CNTN6: variants seen among roughly 807,000 people sequenced by gnomAD.
CNTN6 encodes contactin 6, also known as contactin-6.
In CNTN6, 137 loss-of-function variants were observed where a neutral mutation model predicts 122.8. That is an observed-to-expected ratio of 1.12 (90% CI 0.97 to 1.29). The LOEUF is 1.29. CNTN6 is among the 50% of genes most tolerant of loss of function. CNTN6 has a pLI of 0.00. For synonymous variants in CNTN6, 570 were observed against 426.0 expected (o/e 1.34, Z -4.16); for missense variants, 1,634 against 1,223.4 (o/e 1.34, Z -5.01).
chr3:1,283,991 T>C (rs7651222), intron 5 of CNTN6, among the ~76,000 whole-genome samples: 133,700 of 152,284 alleles, frequency 0.88, 58,798 homozygotes, highest in East Asian at 0.97. Flanking sequence ...AAGAGTGAGA[T>C]TTCATCTCAA....
Position 1,387,731 on chromosome 3 carries a change from G to C in CNTN6, c.2704+1934G>C, listed in dbSNP as rs6779929. 3.6e-3 allele frequency among the ~76,000 whole-genome samples: 551 copies of C among 152,280 alleles called. 3 individuals are homozygous for C. The highest frequency in any genetic ancestry group is 0.012 in the African/African-American group (514 of 41,544). On this transcript the variant is annotated intron_variant, in intron 20 of 22. Coordinates refer to ENST00000446702, the MANE Select transcript of CNTN6 (RefSeq NM_001289080.2). ...CACCGTGCGCAAGCCGAAGCAGGGC[G>C]AGGCATTGCCTCACTTGGGAAGCGC...
chr3:1,352,399 A>G lies in CNTN6; in HGVS notation c.1440A>G (p.Ile480Met). ...CAGATGCTGGATCATATACATGCAT[A>G]GCCACAAATCAGTTTGGCACTGCAA... is the stretch of plus-strand genomic sequence containing the variant. ...TRSDAGSYTC[I>M]ATNQFGTAKN... Residue 480 changes from isoleucine (I) to methionine (M), a missense_variant, in exon 12 of 23, where the codon ATA (isoleucine) becomes ATG (methionine). Ile to Met is a conservative substitution (Grantham distance 10). Coordinates refer to ENST00000446702, the MANE Select transcript of CNTN6 (RefSeq NM_001289080.2). The G allele has an allele frequency of 6.2e-7, 1 of 1,608,852 alleles. No homozygotes were observed. Among genetic ancestry groups the G allele is most frequent in the Non-Finnish European group, 8.5e-7 (1 of 1,176,544 alleles).
chr3:1,344,189 C>T (rs756220461), intron 11 of CNTN6, among the ~76,000 whole-genome samples: 2 of 151,954 alleles, frequency 1.3e-5, no homozygotes, highest in South Asian at 2.1e-4. Context: ...GGTGGGGTTC[C>T]GCAGGAAACA....
chr3:1,158,161 G>A (rs981380041), intron 2 of CNTN6, among the ~76,000 whole-genome samples: 10 of 152,138 alleles, frequency 6.6e-5, no homozygotes, highest in African/African-American at 2.4e-4. Context: ...GGTGTATGAT[G>A]GTTCCCTTTA....
At chr3:1,278,078 C>T (rs1025052387) in intron 4 of CNTN6, among the ~76,000 whole-genome samples, 1 of 152,176 alleles carries the variant, frequency 6.6e-6, no homozygotes, top group African/African-American at 2.4e-5. Context: ...TTGTGACATA[C>T]CTTTCTAAAA....
chr3:1,212,896 G>T (rs1018533654), intron 2 of CNTN6, among the ~76,000 whole-genome samples: 1 of 151,882 alleles, frequency 6.6e-6, no homozygotes, highest in South Asian at 2.1e-4. Context: ...TTATCAAGTG[G>T]TATAAATTCA....
intron 1 of CNTN6, among the ~76,000 whole-genome samples, chr3:1,102,639 A>C (rs2090979492): frequency 6.7e-6 from 1 of 149,588 alleles, no homozygotes; most frequent in Non-Finnish European, 1.5e-5. Context: ...GAGGCAGGAG[A>C]ATGGCGGGAA....
At chr3:1,365,509 C>A (rs971967664) in intron 12 of CNTN6, among the ~76,000 whole-genome samples, 1 of 151,886 alleles carries the variant, frequency 6.6e-6, no homozygotes, top group African/African-American at 2.4e-5. Context: ...ATCATGAAAG[C>A]AACATTTCCG....
chr3:1,245,729 T>TA (rs2094574012), intron 4 of CNTN6, among the ~76,000 whole-genome samples: 1 of 152,002 alleles, frequency 6.6e-6, no homozygotes, highest in East Asian at 1.9e-4. Flanking sequence ...ATTGGAACAA[T>TA]AAGAAAGCCA....
intron 4 of CNTN6, among the ~76,000 whole-genome samples, chr3:1,241,119 T>C (rs112347301): frequency 0.19 from 29,474 of 151,906 alleles, 3,641 homozygotes; most frequent in African/African-American, 0.34. Context: ...TGGTGGAATG[T>C]CATCAGTTAA....
intron 12 of CNTN6, among the ~76,000 whole-genome samples, chr3:1,360,278 C>G (rs1263391366): frequency 6.6e-6 from 1 of 152,054 alleles, no homozygotes; most frequent in Non-Finnish European, 1.5e-5. Flanking sequence ...CCTTTTCCCT[C>G]TTGTTCTCTA....
intron 4 of CNTN6, among the ~76,000 whole-genome samples, chr3:1,259,062 C>A (rs2094804532): frequency 6.6e-6 from 1 of 152,096 alleles, no homozygotes; most frequent in South Asian, 2.1e-4. Flanking sequence ...TAGGATTTAG[C>A]TCATGGGTTG....
intron 2 of CNTN6, among the ~76,000 whole-genome samples, chr3:1,197,151 T>A (rs555727639): frequency 1.2e-4 from 18 of 152,368 alleles, no homozygotes; most frequent in African/African-American, 3.8e-4. Flanking sequence ...TGTTTCAGGT[T>A]ATAGACATAA....
At chr3:1,228,281 A>G (rs2094311131) in intron 4 of CNTN6, among the ~76,000 whole-genome samples, 1 of 152,204 alleles carries the variant, frequency 6.6e-6, no homozygotes, top group Non-Finnish European at 1.5e-5. Flanking sequence ...ATAAAGATGT[A>G]TGATATAGCA....
intron 7 of CNTN6, among the ~76,000 whole-genome samples, chr3:1,301,809 A>G (rs980686979): frequency 3.9e-5 from 6 of 152,210 alleles, no homozygotes; most frequent in African/African-American, 7.2e-5. Flanking sequence ...CATTTCTTCA[A>G]AACAACGAAA....
At chr3:1,346,375 C>T (rs1704697123) in intron 11 of CNTN6, among the ~76,000 whole-genome samples, 1 of 152,038 alleles carries the variant, frequency 6.6e-6, no homozygotes, top group South Asian at 2.1e-4. Flanking sequence ...GGGGACAGAT[C>T]CCTCCTTAAT....
In CNTN6 at chr3:1,352,437, G is replaced by C; in HGVS notation, c.1478G>C (p.Ser493Thr). 6.2e-7 allele frequency: 1 copy of C among 1,609,530 alleles called. No individual in the cohort carries two copies. Among genetic ancestry groups the C allele is most frequent in the Non-Finnish European group, 8.5e-7 (1 of 1,177,088 alleles). Residue 493 changes from serine to threonine, a missense_variant, in exon 12 of 23, where the codon AGC (serine) becomes ACC (threonine). Coordinates refer to ENST00000446702, the MANE Select transcript of CNTN6 (RefSeq NM_001289080.2). ...TTTGGCACTGCAAAGAACACTGGCA[G>C]CCTCATTGTAAAAGGTATCATATTA... is the stretch of plus-strand genomic sequence containing the variant. Reference protein sequence around the residue: ...NQFGTAKNTGSLIVKERTVIT... With the variant: ...NQFGTAKNTGTLIVKERTVIT...
chr3:1,289,091 C>A (rs17291093), intron 5 of CNTN6, among the ~76,000 whole-genome samples: 5,724 of 152,154 alleles, frequency 0.038, 162 homozygotes, highest in South Asian at 0.065. Flanking sequence ...TTTAAAAATT[C>A]AATGGTTTCA....
At chr3:1,304,569 G>A (rs1363765667) in intron 7 of CNTN6, among the ~76,000 whole-genome samples, 5 of 151,940 alleles carry the variant, frequency 3.3e-5, no homozygotes, top group African/African-American at 1.2e-4. Flanking sequence ...ACAAGAAAAA[G>A]GCTTGAAAGA....
Sources: allele counts gnomAD v4.1 joint callset (sites outside exome capture counted in the v4.1 genomes callset), GRCh38; gene constraint gnomAD v4.1.1; transcripts MANE v1.5; gene names NCBI Gene and HGNC (gene_info 2026-07-23, HGNC 2026-07-21).